The following PLPP1 variants were observed in gnomAD, a reference collection of about 807,000 sequenced individuals.
The protein encoded by PLPP1 is lipid phosphate phosphohydrolase 1a.
PLPP1 carries 24 observed loss-of-function variants against 31.2 expected under a neutral mutation model. The observed-to-expected ratio is 0.77, with a 90% CI of 0.56 to 1.08. The LOEUF (loss-of-function observed/expected upper bound fraction) is 1.08, where lower values mean the gene tolerates loss of function less well. Ranked by LOEUF, PLPP1 falls within the 50% of genes least tolerant of loss-of-function variation. The probability of loss-of-function intolerance (pLI) is 0.00; values close to 1 mark genes in which losing one functional copy is unlikely to be tolerated. For synonymous variants in PLPP1, 146 were observed against 126.3 expected, an observed-to-expected ratio of 1.16 and a Z score of -1.05; for missense variants, 319 against 342.7, an observed-to-expected ratio of 0.93 and a Z score of 0.55.
At chr5:55,444,333 G>A (rs556513674) in intron 3 of PLPP1, among the ~76,000 whole-genome samples, 111 of 152,160 alleles carry the variant, frequency 7.3e-4, no homozygotes, top group African/African-American at 2.3e-3. Flanking sequence ...CGTCGCCCTC[G>A]GCCTCCCAAA....
intron 1 of PLPP1, among the ~76,000 whole-genome samples, chr5:55,480,450 C>T (rs541508588): frequency 6.6e-6 from 1 of 152,018 alleles, no homozygotes; most frequent in South Asian, 2.1e-4. Context: ...CATTTAATCC[C>T]TGCTTCCACC....
intron 5 of PLPP1, chr5:55,425,595 T>C: frequency 2.2e-6 from 1 of 446,500 alleles, no homozygotes. Flanking sequence ...GAATTAGTTT[T>C]TTCAAGTCAT....
At chr5:55,442,177 G>A (rs143947440) in intron 3 of PLPP1, among the ~76,000 whole-genome samples, 268 of 152,274 alleles carry the variant, frequency 1.8e-3, no homozygotes, top group Admixed American at 3.4e-3. Context: ...GCAATTCTAA[G>A]ATGTCAGAAG....
chr5:55,502,937 C>T (rs867818421), intron 1 of PLPP1, among the ~76,000 whole-genome samples: 2 of 152,268 alleles, frequency 1.3e-5, no homozygotes, highest in East Asian at 1.9e-4. Context: ...CAGGCAATGA[C>T]GCCTTCATGT....
chr5:55,512,244 G>A (rs1010875751), intron 1 of PLPP1, among the ~76,000 whole-genome samples: 1 of 151,972 alleles, frequency 6.6e-6, no homozygotes, highest in East Asian at 1.9e-4. Context: ...GCTGAGGTGG[G>A]TGGATCACCT....
intron 3 of PLPP1, among the ~76,000 whole-genome samples, chr5:55,452,040 A>C (rs1751906027): frequency 6.6e-6 from 1 of 152,332 alleles, no homozygotes; most frequent in Middle Eastern, 3.4e-3. Flanking sequence ...CTCCTGCTTC[A>C]AGTCCTTCAC....
At chr5:55,533,520 G>A (rs1260861222) in intron 1 of PLPP1, among the ~76,000 whole-genome samples, 1 of 152,144 alleles carries the variant, frequency 6.6e-6, no homozygotes, top group Non-Finnish European at 1.5e-5. Flanking sequence ...GAATAACTAG[G>A]AACTACTGGA....
chr5:55,440,203 G>A (rs893099007), intron 4 of PLPP1, among the ~76,000 whole-genome samples: 7 of 152,148 alleles, frequency 4.6e-5, no homozygotes, highest in Admixed American at 6.5e-5. Context: ...ACAGGTGAGC[G>A]AAAAACAAAC....
chr5:55,498,121 T>C (rs1397041818), intron 1 of PLPP1, among the ~76,000 whole-genome samples: 12 of 152,094 alleles, frequency 7.9e-5, no homozygotes, highest in Non-Finnish European at 1.6e-4. Context: ...ACAAAGGGGC[T>C]ATTTATAGAG....
chr5:55,534,043 CT>C (rs753066487), intron 1 of PLPP1, among the ~76,000 whole-genome samples: 2 of 152,176 alleles, frequency 1.3e-5, no homozygotes, highest in Non-Finnish European at 2.9e-5. Context: ...TACGCAAAAA[CT>C]TGGCGTGCTC....
chr5:55,483,244 A>C (rs1221673971), intron 1 of PLPP1, among the ~76,000 whole-genome samples: 3 of 152,228 alleles, frequency 2.0e-5, no homozygotes, highest in Admixed American at 2.0e-4. Context: ...ATATTATTAC[A>C]CTAGTAATAT....
intron 1 of PLPP1, among the ~76,000 whole-genome samples, chr5:55,485,538 C>T (rs1285339721): frequency 6.6e-6 from 1 of 151,770 alleles, no homozygotes; most frequent in Non-Finnish European, 1.5e-5. Context: ...TAAGCTTCCA[C>T]AATGCTATGT....
At chr5:55,505,668 TAA>T (rs1753258770) in intron 1 of PLPP1, among the ~76,000 whole-genome samples, 1 of 152,146 alleles carries the variant, frequency 6.6e-6, no homozygotes, top group African/African-American at 2.4e-5. Context: ...ACAAAATAGT[TAA>T]AAGTGAACAA....
chr5:55,518,848 T>A (rs983910805), intron 1 of PLPP1, among the ~76,000 whole-genome samples: 1 of 152,206 alleles, frequency 6.6e-6, no homozygotes, highest in Non-Finnish European at 1.5e-5. Flanking sequence ...AATACATCAT[T>A]CTCATTATAA....
At chr5:55,531,492 T>A (rs1190082621) in intron 1 of PLPP1, among the ~76,000 whole-genome samples, 1 of 152,218 alleles carries the variant, frequency 6.6e-6, no homozygotes, top group Non-Finnish European at 1.5e-5. Flanking sequence ...GAGGTGGTCA[T>A]TAACAGAATC....
intron 1 of PLPP1, among the ~76,000 whole-genome samples, chr5:55,482,308 T>C (rs918260051): frequency 1.3e-5 from 2 of 151,724 alleles, no homozygotes; most frequent in Non-Finnish European, 2.9e-5. Flanking sequence ...AGGTATCTGA[T>C]AGCAAGAGAT....
At chr5:55,450,970 T>A (rs1219987004) in intron 3 of PLPP1, among the ~76,000 whole-genome samples, 1 of 152,206 alleles carries the variant, frequency 6.6e-6, no homozygotes, top group Non-Finnish European at 1.5e-5. Flanking sequence ...GAGGCAGGAC[T>A]GCTAACTAGA....
At chr5:55,498,755 C>T (rs1753056685) in intron 1 of PLPP1, among the ~76,000 whole-genome samples, 1 of 151,620 alleles carries the variant, frequency 6.6e-6, no homozygotes, top group African/African-American at 2.4e-5. Context: ...TAGGGAAGCA[C>T]TTACAATTCT....
chr5:55,466,425 G>A (rs186717883), intron 3 of PLPP1, among the ~76,000 whole-genome samples: 49 of 152,058 alleles, frequency 3.2e-4, no homozygotes, highest in African/African-American at 1.2e-3. Flanking sequence ...GCTACTGGCC[G>A]GGTGCCATGG....
Sources: allele counts gnomAD v4.1 joint callset (sites outside exome capture counted in the v4.1 genomes callset), GRCh38; gene constraint gnomAD v4.1.1; transcripts MANE v1.5; gene names NCBI Gene and HGNC (gene_info 2026-07-23, HGNC 2026-07-21).